PKD1: variants seen among roughly 807,000 people sequenced by gnomAD.
PKD1 encodes the protein polycystin-1.
A neutral mutation model predicts 361.7 loss-of-function variants in PKD1; 81 were observed. The ratio of observed to expected loss-of-function variants is 0.22; its 90% CI spans 0.19 to 0.27. The LOEUF (loss-of-function observed/expected upper bound fraction) is 0.27. Among genes scored for constraint, PKD1 ranks in the 10% least tolerant of loss-of-function variants. The pLI is 1.00. For missense variants in PKD1, 6,399 were observed against 6,118.3 expected, an observed-to-expected ratio of 1.05 and a Z score of -1.53; for synonymous variants, 3,615 against 2,818.3, an observed-to-expected ratio of 1.28 and a Z score of -8.95.
In PKD1 at chr16:2,119,941, C is replaced by T. The variant is rs894015064; in HGVS notation, c.216-563G>A. ...ACAAGACCTCCAAGACGGCCAGGCA[C>T]TGGGGCACACGCCGGTAACACAGCA... is the stretch of plus-strand genomic sequence containing the variant. On this transcript the variant is annotated intron_variant, in intron 1 of 45. Coordinates refer to ENST00000262304, the MANE Select transcript of PKD1 (RefSeq NM_001009944.3). 4 of 661,904 alleles carry T rather than the reference C, an allele frequency of 6.0e-6. No homozygotes were observed. In the African/African-American group the frequency reaches 7.2e-5, roughly 12 times the overall value. 41.0% of individuals were successfully genotyped at this position (661,904 alleles called of 1,614,324 possible).
chr16:2,105,705 T>C (rs1283080450), intron 20 of PKD1, 160 bp downstream of exon 20: 38 of 1,296,436 alleles, frequency 2.9e-5, no homozygotes, highest in Middle Eastern at 5.2e-4. Flanking sequence ...CCGGTGGGTG[T>C]GGCTGCTGGG....
At chr16:2,121,092 G>T (rs1407362207) in intron 1 of PKD1, among the ~76,000 whole-genome samples, 4 of 152,026 alleles carry the variant, frequency 2.6e-5, no homozygotes, top group Non-Finnish European at 5.9e-5. Flanking sequence ...AGAGCCGGGT[G>T]CAATGGCTCC....
chr16:2,114,972 C>G lies in PKD1; in HGVS notation c.2098-47G>C. On this transcript the variant is annotated intron_variant, in intron 10 of 45. Coordinates refer to ENST00000262304, the MANE Select transcript of PKD1 (RefSeq NM_001009944.3). ...TGCATCACGTCCTCACGGTCATGGC[C>G]CGTGGACCCCCGCACGACGGATGAG... 7 of 1,523,574 alleles carry G rather than the reference C, an allele frequency of 4.6e-6. 1 individual carries two copies. In the South Asian group the frequency reaches 8.4e-5, roughly 18 times the overall value. The allele number at this position is 1,523,574 out of a possible 1,614,324, so 94.4% of individuals were successfully genotyped here.
At chr16:2,099,447 C>T in intron 30 of PKD1, 197 bp downstream of exon 30, 1 of 684,480 alleles carries the variant, frequency 1.5e-6, no homozygotes, top group Non-Finnish European at 2.6e-6. Context: ...CGTTCTTTCA[C>T]CATTCTGGCT....
chr16:2,097,540 G>A (rs768331753), intron 32 of PKD1, 37 bp from the exon 33 acceptor site: 3 of 1,602,976 alleles, frequency 1.9e-6, no homozygotes, highest in Non-Finnish European at 8.5e-7. Context: ...ACCAGGGGAT[G>A]TGTCACACAC....
chr16:2,089,944 G>A lies in PKD1; in HGVS notation c.12695C>T (p.Ala4232Val). ...CTCCAGCTGGTAGACGTCCTCTGTG[G>A]CCTGGTTGAGTCGGTCAAACTGGGT... ...LLTQFDRLNQ[A>V]TEDVYQLEQQ... The change falls in exon 46 of 46, where the codon GCC becomes GTC. Residue 4232 changes from alanine to valine, a missense_variant. Ala to Val is a moderately conservative substitution (Grantham distance 64). Transcript: ENST00000262304. 2 of 1,612,318 alleles carry A rather than the reference G, an allele frequency of 1.2e-6. No individual in the cohort carries two copies. The highest frequency in any genetic ancestry group is 2.2e-5 in the East Asian group (1 of 44,864).
Position 2,111,403 on chromosome 16 carries a change from C to G in PKD1, c.3764G>C (p.Gly1255Ala). Residue 1255 changes from glycine (G) to alanine (A), a missense_variant, in exon 15 of 46, where the codon GGC becomes GCC. Physicochemically the swap from Gly to Ala is moderately conservative, Grantham distance 60. Coordinates refer to ENST00000262304, the MANE Select transcript of PKD1 (RefSeq NM_001009944.3). Reference protein sequence around the residue: ...FDMGDGTVLSGPEATVEHVYL... With the variant: ...FDMGDGTVLSAPEATVEHVYL... ...CACATGCTCCACTGTTGCCTCCGGG[C>G]CCGACAGCACGGTGCCGTCCCCCAT... is the stretch of plus-strand genomic sequence containing the variant. The G allele has an allele frequency of 6.2e-7, 1 of 1,611,616 alleles. No individual in the cohort carries two copies.
In PKD1 at chr16:2,089,288, G is replaced by A. The variant is rs373639226; in HGVS notation, c.*439C>T. ...TTAACACCATATAAATTACTGACACGAGACACACAGTGAGACGGTGCAGGG... is the reference window on the plus strand; with the variant it reads ...TTAACACCATATAAATTACTGACACAAGACACACAGTGAGACGGTGCAGGG... On this transcript the variant is annotated 3_prime_UTR_variant, in exon 46 of 46. Coordinates refer to ENST00000262304, the MANE Select transcript of PKD1 (RefSeq NM_001009944.3). The A allele has an allele frequency of 8.3e-5, 18 of 216,334 alleles. No individual in the cohort carries two copies. The highest frequency in any genetic ancestry group is 1.6e-4 in the African/African-American group (7 of 43,538). 13.4% of individuals were successfully genotyped at this position (216,334 alleles called of 1,614,324 possible). A position where few individuals can be genotyped will look rare whatever the true frequency, so the allele number is the denominator to read the frequency against.
rs201988915 is a variant in PKD1 at position 2,110,715 on chromosome 16, C to T, written c.4452G>A (p.Pro1484=). Residue 1484 remains proline (P), a synonymous_variant, in exon 15 of 46, where the codon CCG becomes CCA. Transcript: ENST00000262304. ...NGSLGLELQQ[P]YLFSAVGRGR... is the part of the protein sequence containing the mutation. ...CACGGCCCACAGCAGAGAACAGGTA[C>T]GGCTGCTGCAGCTCCAGCCCAAGGG... 5.0e-4 allele frequency: 806 copies of T among 1,610,030 alleles called. 4 individuals are homozygous for T. The highest frequency in any genetic ancestry group is 3.6e-3 in the Middle Eastern group (16 of 4,440).
At chr16:2,093,133 C>G (rs888997420) in intron 37 of PKD1, 40 bp from the exon 38 acceptor site, 1 of 1,609,808 alleles carries the variant, frequency 6.2e-7, no homozygotes, top group Non-Finnish European at 8.5e-7. Flanking sequence ...CTGGCCCCAG[C>G]CCACAGTGAC....
chr16:2,100,834 C>T lies in PKD1; in HGVS notation c.9398-268G>A. Reference sequence around the variant, plus strand: ...GCTGCACACGCCTCAGTCCACACCACAACCAGTGACCCGCACTGCACACCT... The same window carrying T: ...GCTGCACACGCCTCAGTCCACACCATAACCAGTGACCCGCACTGCACACCT... On this transcript the variant is annotated intron_variant, in intron 26 of 45. Coordinates refer to ENST00000262304, the MANE Select transcript of PKD1 (RefSeq NM_001009944.3). The surrounding 1 kb of genome is among the most constrained non-coding windows in gnomAD (Gnocchi z 4.4). 2 of 527,900 alleles carry T rather than the reference C, an allele frequency of 3.8e-6. No homozygotes were observed. The highest frequency in any genetic ancestry group is 6.9e-6 in the Non-Finnish European group (2 of 289,940). The allele number at this position is 527,900 out of a possible 1,614,324, so 32.7% of individuals were successfully genotyped here.
In PKD1 at chr16:2,106,231, G is replaced by A. The variant is rs1362008379; in HGVS notation, c.7563C>T (p.His2521=). ...ALLLRRCRQG[H]CEEFCVYKGS... Reference sequence around the variant, plus strand: ...CCTTGTAGACACAGAACTCCTCGCAGTGGCCCTGGCGACAGCGCCGCAGCA... The same window carrying A: ...CCTTGTAGACACAGAACTCCTCGCAATGGCCCTGGCGACAGCGCCGCAGCA... Residue 2521 remains histidine, a synonymous_variant, in exon 19 of 46, where the codon CAC becomes CAT. Transcript: ENST00000262304. The surrounding 1 kb of genome is among the most constrained non-coding windows in gnomAD (Gnocchi z 6.5). 4 of 1,610,288 alleles carry A rather than the reference G, an allele frequency of 2.5e-6. No homozygotes were observed. The Admixed American group carries it at 5.0e-5, about 20-fold the overall frequency.
chr16:2,106,688 A>G lies in PKD1; in HGVS notation c.7210-11T>C. The G allele has an allele frequency of 6.3e-7, 1 of 1,592,118 alleles. No individual in the cohort carries two copies. Among genetic ancestry groups the G allele is most frequent in the Non-Finnish European group, 8.5e-7 (1 of 1,176,494 alleles). On this transcript the variant is annotated splice_polypyrimidine_tract_variant and intron_variant, in intron 17 of 45. Coordinates refer to ENST00000262304, the MANE Select transcript of PKD1 (RefSeq NM_001009944.3). This position sits in a 1 kb window ranked among gnomAD's most constrained non-coding sequence, Gnocchi z 6.5. ...ACGTGCAGCCCACCGCTGCAGGCAG[A>G]AGGGGTGGTGAGGGGGCGCAACCCT...
chr16:2,100,543 T>A lies in PKD1; in HGVS notation c.9421A>T (p.Met3141Leu). The A allele has an allele frequency of 6.2e-7, 1 of 1,610,492 alleles. No homozygotes were observed. Among genetic ancestry groups the A allele is most frequent in the Non-Finnish European group, 8.5e-7 (1 of 1,179,684 alleles). ...GSGTTAHVGI[M>L]LYGVDSRSGH... ...CTCCGGCTGTCCACCCCATACAGCA[T>A]GATGCCCACGTGGGCCGTGGTACCT... is the stretch of plus-strand genomic sequence containing the variant. The change falls in exon 27 of 46, where the codon ATG (methionine) becomes TTG (leucine). Residue 3141 changes from methionine to leucine, a missense_variant. Coordinates refer to ENST00000262304, the MANE Select transcript of PKD1 (RefSeq NM_001009944.3). This position sits in a 1 kb window ranked among gnomAD's most constrained non-coding sequence, Gnocchi z 4.4.
At position 2,094,206 on chromosome 16, in the gene PKD1, T is replaced by C. The variant is rs1274109307; in HGVS notation, c.10504A>G (p.Ser3502Gly). 1.9e-6 allele frequency: 3 copies of C among 1,581,860 alleles called. No homozygotes were observed. Among genetic ancestry groups the C allele is most frequent in the East Asian group, 4.5e-5 (2 of 44,748 alleles). The change falls in exon 35 of 46, where the codon AGC (serine) becomes GGC (glycine). Residue 3502 changes from serine (S) to glycine (G), a missense_variant. Ser to Gly is a moderately conservative substitution (Grantham distance 56, BLOSUM62 0). Coordinates refer to ENST00000262304, the MANE Select transcript of PKD1 (RefSeq NM_001009944.3). ...METDLLSSLS[S>G]TPGEKTETLA... ...GTCTCTGTCTTCTCCCCAGGAGTGC[T>C]GGACCTGAGGGACATGGTAGGCTGT...
intron 9 of PKD1, 64 bp from the exon 10 acceptor site, chr16:2,115,689 C>G: frequency 6.7e-7 from 1 of 1,482,074 alleles, no homozygotes; most frequent in Non-Finnish European, 9.2e-7. Flanking sequence ...AGATGCCCAA[C>G]TGCCTGCACC....
chr16:2,099,062 C>T (rs1421587537), intron 30 of PKD1: 2 of 205,804 alleles, frequency 9.7e-6, no homozygotes, highest in Non-Finnish European at 2.0e-5. Flanking sequence ...GAACTCCTGA[C>T]CTCAAGTGAT....
rs187091436 is a variant in PKD1 at position 2,119,206 on chromosome 16, G to A, written c.288-21C>T. Reference sequence around the variant, plus strand: ...TATCCCTGGAAGAGACGGGGGATTCGGCAAAGCTGATGGAAGCCCCCACAG... The same window carrying A: ...TATCCCTGGAAGAGACGGGGGATTCAGCAAAGCTGATGGAAGCCCCCACAG... On this transcript the variant is annotated intron_variant, in intron 2 of 45. Coordinates refer to ENST00000262304, the MANE Select transcript of PKD1 (RefSeq NM_001009944.3). 3.6e-4 allele frequency: 566 copies of A among 1,555,842 alleles called. 2 individuals carry two copies. The Admixed American group carries it at 8.9e-3, about 24-fold the overall frequency.
In PKD1 at chr16:2,117,023, A is replaced by T. The variant is rs547002619; in HGVS notation, c.1416T>A (p.Thr472=). 5 of 1,585,428 alleles carry T rather than the reference A, an allele frequency of 3.2e-6. No homozygotes were observed. Among genetic ancestry groups the T allele is most frequent in the Non-Finnish European group, 3.4e-6 (4 of 1,171,844 alleles). ...RSLDVWIGFS[T]VQGVEVGPAP... ...CTGGGCCCACCTCCACCCCCTGCAC[A>T]GTCGAGAAGCCGATCCACACGTCTA... Residue 472 remains threonine (T), a synonymous_variant, in exon 7 of 46, where the codon ACT becomes ACA. Transcript: ENST00000262304.
Sources: allele counts gnomAD v4.1 joint callset (sites outside exome capture counted in the v4.1 genomes callset), GRCh38; gene constraint gnomAD v4.1.1; non-coding constraint Gnocchi (gnomAD v3.1); transcripts MANE v1.5; gene names NCBI Gene and HGNC (gene_info 2026-07-23, HGNC 2026-07-21).